The following METTL25 variants were observed in gnomAD, a reference collection of about 807,000 sequenced individuals.
METTL25 encodes probable methyltransferase-like protein 25.
Under a neutral mutation model 71.6 loss-of-function variants are expected in METTL25, and 64 were observed. The observed-to-expected ratio is 0.89, with a 90% CI of 0.73 to 1.10. The LOEUF (loss-of-function observed/expected upper bound fraction) is 1.10. Ranked by LOEUF, METTL25 falls within the 50% of genes least tolerant of loss-of-function variation. The probability of loss-of-function intolerance (pLI) is 0.00; values close to 1 mark genes in which losing one functional copy is unlikely to be tolerated. For missense variants in METTL25, 807 were observed against 707.0 expected, an observed-to-expected ratio of 1.14 and a Z score of -1.60; for synonymous variants, 287 against 250.3, an observed-to-expected ratio of 1.15 and a Z score of -1.38.
At chr12:82,429,954 C>T (rs1889355782) in intron 5 of METTL25, among the ~76,000 whole-genome samples, 1 of 151,456 alleles carries the variant, frequency 6.6e-6, no homozygotes, top group South Asian at 2.1e-4. Context: ...AAAAGTTAAA[C>T]TTGTTCTCTT....
Position 82,420,577 on chromosome 12 carries a change from G to T in METTL25, c.1280-10316G>T, listed in dbSNP as rs73153508. ...GAAAAATACATATCAGGTGTGAATT[G>T]TTCATTCATTAGAAACTAAAGAATA... is the stretch of plus-strand genomic sequence containing the variant. On this transcript the variant is annotated intron_variant, in intron 5 of 11. Transcript: ENST00000248306. Among the ~76,000 whole-genome samples the T allele has an allele frequency of 4.3e-3, 660 of 152,178 alleles. 4 individuals are homozygous for T. Among genetic ancestry groups the T allele is most frequent in the Non-Finnish European group, 7.3e-3 (499 of 67,998 alleles).
chr12:82,465,593 G>A lies in METTL25; in HGVS notation c.1572+8773G>A, dbSNP rs188456615. Among the ~76,000 whole-genome samples, 132 of 151,402 alleles carry A rather than the reference G, an allele frequency of 8.7e-4. 1 individual carries two copies. Among genetic ancestry groups the A allele is most frequent in the Admixed American group, 2.9e-3 (44 of 15,214 alleles). On this transcript the variant is annotated intron_variant, in intron 9 of 11. Coordinates refer to ENST00000248306, the MANE Select transcript of METTL25 (RefSeq NM_032230.3). ...GTTGTTGTGTCCTTATCTGCTTTTG[G>A]TTTCAGCGTTATGCTGACCTCGTAT...
intron 1 of METTL25, among the ~76,000 whole-genome samples, chr12:82,360,140 T>G (rs2136776084): frequency 6.6e-6 from 1 of 152,320 alleles, no homozygotes; most frequent in Middle Eastern, 3.4e-3. Context: ...CTCATGTTAG[T>G]TTTAAATAAA....
intron 1 of METTL25, among the ~76,000 whole-genome samples, chr12:82,361,690 C>T (rs532091345): frequency 6.6e-6 from 1 of 152,258 alleles, no homozygotes; most frequent in Admixed American, 6.5e-5. Context: ...CTGGGGCCAG[C>T]GGTGCTGGCC....
chr12:82,378,195 G>T (rs908168699), intron 1 of METTL25, among the ~76,000 whole-genome samples: 4 of 152,142 alleles, frequency 2.6e-5, no homozygotes, highest in African/African-American at 9.7e-5. Flanking sequence ...AGTCACTGAG[G>T]CTTAATTCTT....
intron 1 of METTL25, among the ~76,000 whole-genome samples, chr12:82,381,955 G>A (rs891337025): frequency 3.9e-5 from 6 of 152,270 alleles, no homozygotes; most frequent in African/African-American, 1.4e-4. Flanking sequence ...GATGTGGGAG[G>A]GGGTTTTCAA....
intron 1 of METTL25, among the ~76,000 whole-genome samples, chr12:82,384,602 A>T (rs10778906): frequency 1.3e-5 from 2 of 151,430 alleles, no homozygotes; most frequent in Non-Finnish European, 2.9e-5. Context: ...TGAATTAGAA[A>T]ACTACCCTTT....
chr12:82,460,946 A>T lies in METTL25; in HGVS notation c.1572+4126A>T, dbSNP rs570749175. On this transcript the variant is annotated intron_variant, in intron 9 of 11. Transcript: ENST00000248306. ...ATCACAAGGTTAGGAGATGGAGACCATCCTGGCTAACACAGTGAAACCCCA... is the reference window on the plus strand; with the variant it reads ...ATCACAAGGTTAGGAGATGGAGACCTTCCTGGCTAACACAGTGAAACCCCA... Among the ~76,000 whole-genome samples, 24 of 152,322 alleles carry T rather than the reference A, an allele frequency of 1.6e-4. No homozygotes were observed. In the South Asian group the frequency reaches 4.1e-3, roughly 26 times the overall value.
intron 1 of METTL25, among the ~76,000 whole-genome samples, chr12:82,363,894 C>G (rs926826736): frequency 1.3e-5 from 2 of 152,084 alleles, no homozygotes; most frequent in Non-Finnish European, 2.9e-5. Context: ...ATTGGGCTAA[C>G]GTGTTGGATT....
At chr12:82,451,497 T>C (rs528502609) in intron 8 of METTL25, among the ~76,000 whole-genome samples, 1 of 152,282 alleles carries the variant, frequency 6.6e-6, no homozygotes, top group South Asian at 2.1e-4. Context: ...AGCTAAAATC[T>C]AAAAAGTACT....
intron 1 of METTL25, among the ~76,000 whole-genome samples, chr12:82,371,288 G>C (rs1477395248): frequency 2.0e-5 from 3 of 152,284 alleles, no homozygotes; most frequent in African/African-American, 7.2e-5. Context: ...CCTGCCCCAG[G>C]CACCCTCAGT....
At chr12:82,391,278 C>T (rs1885551126) in intron 3 of METTL25, among the ~76,000 whole-genome samples, 1 of 151,938 alleles carries the variant, frequency 6.6e-6, no homozygotes. Flanking sequence ...AAAGCAGAAG[C>T]AGGAAAATAT....
intron 8 of METTL25, among the ~76,000 whole-genome samples, chr12:82,455,607 G>A (rs1241923001): frequency 3.3e-5 from 5 of 151,928 alleles, no homozygotes; most frequent in Non-Finnish European, 7.4e-5. Context: ...GTGGGGAACT[G>A]TGTAATCCAT....
intron 1 of METTL25, among the ~76,000 whole-genome samples, chr12:82,382,063 C>T (rs1884493861): frequency 6.6e-6 from 1 of 152,090 alleles, no homozygotes; most frequent in South Asian, 2.1e-4. Context: ...TTAGCTTTGC[C>T]AGTGGGTGAG....
Position 82,403,037 on chromosome 12 carries a change from C to T in METTL25, c.1186C>T (p.Arg396Ter), listed in dbSNP as rs750684683. ...TCGDLAPNTL[R>*]IFTSNSEIKG... ...TGGTGATCTGGCTCCAAATACTTTGCGAATATTTACCTCCAACTCTGAAAT... is the reference window on the plus strand; with the variant it reads ...TGGTGATCTGGCTCCAAATACTTTGTGAATATTTACCTCCAACTCTGAAAT... Residue 396 changes from arginine (R) to a stop codon, truncating the protein, a stop_gained, in exon 5 of 12, where the codon CGA (arginine) becomes TGA (stop). Coordinates refer to ENST00000248306, the MANE Select transcript of METTL25 (RefSeq NM_032230.3). LOFTEE classifies it high-confidence loss of function. 31 of 1,612,712 alleles carry T rather than the reference C, an allele frequency of 1.9e-5. No homozygotes were observed. In the South Asian group the frequency reaches 2.6e-4, roughly 14 times the overall value.
At chr12:82,466,354 A>T (rs1353406285) in intron 9 of METTL25, among the ~76,000 whole-genome samples, 4 of 145,672 alleles carry the variant, frequency 2.7e-5, no homozygotes, top group South Asian at 2.2e-4. Context: ...TCTTTTTTTC[A>T]CCCATTGGTC....
At chr12:82,411,226 A>G (rs1887533013) in intron 5 of METTL25, among the ~76,000 whole-genome samples, 1 of 152,104 alleles carries the variant, frequency 6.6e-6, no homozygotes, top group Non-Finnish European at 1.5e-5. Flanking sequence ...TTTCATAATT[A>G]GAAACCACAA....
chr12:82,388,406 T>C (rs866594346), intron 2 of METTL25, among the ~76,000 whole-genome samples: 2 of 152,082 alleles, frequency 1.3e-5, no homozygotes, highest in African/African-American at 4.8e-5. Context: ...TTATGGCTCT[T>C]GGTAAGAACC....
chr12:82,464,140 CT>C (rs768491634), intron 9 of METTL25, among the ~76,000 whole-genome samples: 1 of 151,804 alleles, frequency 6.6e-6, no homozygotes, highest in Non-Finnish European at 1.5e-5. Context: ...CTTATTTTTG[CT>C]TTAGTTGCCG....
Sources: allele counts gnomAD v4.1 joint callset (sites outside exome capture counted in the v4.1 genomes callset), GRCh38; gene constraint gnomAD v4.1.1; transcripts MANE v1.5; gene names NCBI Gene and HGNC (gene_info 2026-07-23, HGNC 2026-07-21).